ASTN2: variants seen among roughly 807,000 people sequenced by gnomAD.
ASTN2 encodes astrotactin-2.
In ASTN2, 54 loss-of-function variants were observed where a neutral mutation model predicts 139.8. The observed-to-expected ratio is 0.39, with a 90% CI of 0.31 to 0.48. The LOEUF is 0.48. ASTN2 is among the 20% of genes least tolerant of loss of function. The probability of loss-of-function intolerance (pLI) is 0.95; values close to 1 mark genes in which losing one functional copy is unlikely to be tolerated. For missense variants in ASTN2, 1,565 were observed against 1,725.1 expected, an observed-to-expected ratio of 0.91 and a Z score of 1.64; for synonymous variants, 756 against 719.5, an observed-to-expected ratio of 1.05 and a Z score of -0.81.
chr9:116,888,046 C>G (rs1386666958), intron 10 of ASTN2, among the ~76,000 whole-genome samples: 2 of 152,112 alleles, frequency 1.3e-5, no homozygotes, highest in African/African-American at 4.8e-5. Flanking sequence ...ATATATTTTT[C>G]ATATATCATA....
rs531368150 is a variant in ASTN2 at position 117,026,221 on chromosome 9, G to T, written c.1423+13598C>A. Among the ~76,000 whole-genome samples, 10 of 152,098 alleles carry T rather than the reference G, an allele frequency of 6.6e-5. No homozygotes were observed. In the East Asian group the frequency reaches 1.9e-3, roughly 29 times the overall value. On this transcript the variant is annotated intron_variant, in intron 6 of 22. Transcript: ENST00000313400. ...GTAACAGTCCCTAGTTTTTGAGTGT[G>T]GTTACCATGGGCCAGGCCCTTGAAA... is the stretch of plus-strand genomic sequence containing the variant.
At chr9:117,161,873 T>A (rs199690298) in intron 3 of ASTN2, among the ~76,000 whole-genome samples, 2 of 151,764 alleles carry the variant, frequency 1.3e-5, no homozygotes, top group Admixed American at 6.6e-5. Flanking sequence ...TCTTTTTTTT[T>A]AGAATCTTTA....
At chr9:116,749,888 C>T (rs1037783634) in intron 13 of ASTN2, among the ~76,000 whole-genome samples, 1 of 152,202 alleles carries the variant, frequency 6.6e-6, no homozygotes, top group African/African-American at 2.4e-5. Flanking sequence ...GCTCCCCCTA[C>T]CTTCCAACAT....
intron 2 of ASTN2, among the ~76,000 whole-genome samples, chr9:117,267,747 C>T (rs1225600761): frequency 2.0e-5 from 3 of 152,166 alleles, no homozygotes; most frequent in Non-Finnish European, 4.4e-5. Context: ...TTGTTGATAC[C>T]TTTGCCTCTC....
intron 19 of ASTN2, among the ~76,000 whole-genome samples, chr9:116,533,756 G>A (rs973736006): frequency 2.2e-4 from 34 of 152,076 alleles, no homozygotes; most frequent in Admixed American, 4.6e-4. Context: ...TGCTGGATTC[G>A]GTTTGCCAGT....
rs148624806 is a variant in ASTN2 at position 117,214,701 on chromosome 9, G to A, written c.672C>T (p.Thr224=). 3.9e-5 allele frequency: 60 copies of A among 1,522,610 alleles called. No homozygotes were observed. In the African/African-American group the frequency reaches 4.7e-4, roughly 12 times the overall value. 94.3% of individuals were successfully genotyped at this position (1,522,610 alleles called of 1,614,324 possible). ...AACGTCGCTGGGCGTACAGCGCCAC[G>A]GTGAACACCAGCAGCAGCAGCAGCA... The part of the protein sequence containing the change: ...IALLLLLLVF[T]VALYAQRRWQ... Residue 224 remains threonine (T), a synonymous_variant, in exon 3 of 23, where the codon ACC becomes ACT. Coordinates refer to ENST00000313400, the MANE Select transcript of ASTN2 (RefSeq NM_001365068.1).
chr9:117,065,430 C>T (rs1008212913), intron 5 of ASTN2, among the ~76,000 whole-genome samples: 1 of 152,144 alleles, frequency 6.6e-6, no homozygotes, highest in Admixed American at 6.5e-5. Flanking sequence ...TGTGTGGAAG[C>T]ACTCTTGACT....
In ASTN2 at chr9:116,424,909, CCTCT is replaced by C. The variant is rs1453241666; in HGVS notation, c.*938_*941del. 1.3e-5 allele frequency among the ~76,000 whole-genome samples: 2 copies of C among 152,156 alleles called. No homozygotes were observed. Among genetic ancestry groups the C allele is most frequent in the East Asian group, 3.9e-4 (2 of 5,144 alleles). On this transcript the variant is annotated 3_prime_UTR_variant, in exon 23 of 23. Coordinates refer to ENST00000313400, the MANE Select transcript of ASTN2 (RefSeq NM_001365068.1). The stretch of plus-strand genomic sequence containing the variant: ...TGGCAAGCAAATCCCATCTTTTTCA[CCTCT>C]CTGTCTGGCTTATTTCTACTCATCC...
intron 11 of ASTN2, among the ~76,000 whole-genome samples, chr9:116,821,681 T>C (rs1337292286): frequency 6.6e-6 from 1 of 152,114 alleles, no homozygotes; most frequent in Non-Finnish European, 1.5e-5. Flanking sequence ...CCTCCCTTTA[T>C]AGACAACCTA....
intron 1 of ASTN2, among the ~76,000 whole-genome samples, chr9:117,410,716 G>T (rs552981059): frequency 5.8e-4 from 88 of 152,232 alleles, no homozygotes; most frequent in African/African-American, 1.9e-3. Context: ...TTCTGGTCCA[G>T]AAAGTGCCCC....
intron 17 of ASTN2, among the ~76,000 whole-genome samples, chr9:116,636,321 G>A (rs769008255): frequency 7.5e-4 from 115 of 152,324 alleles, no homozygotes; most frequent in Non-Finnish European, 1.0e-3. Flanking sequence ...CTAAGGCAAC[G>A]GAAATAGCCT....
chr9:117,290,902 C>T (rs1444277334), intron 2 of ASTN2, among the ~76,000 whole-genome samples: 1 of 152,196 alleles, frequency 6.6e-6, no homozygotes, highest in African/African-American at 2.4e-5. Flanking sequence ...ACACCTGACA[C>T]ATCAAGGGTA....
In ASTN2 at chr9:117,358,120, C is replaced by T. The variant is rs1461087380; in HGVS notation, c.442+56377G>A. Among the ~76,000 whole-genome samples the T allele has an allele frequency of 2.6e-5, 4 of 152,254 alleles. No individual in the cohort carries two copies. The South Asian group carries it at 6.2e-4, about 24-fold the overall frequency. On this transcript the variant is annotated intron_variant, in intron 1 of 22. Transcript: ENST00000313400. ...TATAATGAGGATCGATCATACTTAGCGTTTAAGAAGCCTTCTAGTTTCCTC... is the reference window on the plus strand; with the variant it reads ...TATAATGAGGATCGATCATACTTAGTGTTTAAGAAGCCTTCTAGTTTCCTC...
At position 116,457,826 on chromosome 9, in the gene ASTN2, A is replaced by C. The variant is rs527969002; in HGVS notation, c.3498-15273T>G. Among the ~76,000 whole-genome samples the C allele has an allele frequency of 1.2e-4, 18 of 152,210 alleles. 1 individual carries two copies. Among genetic ancestry groups the C allele is most frequent in the African/African-American group, 4.3e-4 (18 of 41,562 alleles). On this transcript the variant is annotated intron_variant, in intron 20 of 22. Transcript: ENST00000313400. ...AAAACACTAAAGCTAGAACTACCAT[A>C]TGATCCGGCTATCCAAGGAAAGGTA...
chr9:116,935,027 G>C (rs1170838266), intron 10 of ASTN2, among the ~76,000 whole-genome samples: 1 of 152,164 alleles, frequency 6.6e-6, no homozygotes, highest in East Asian at 1.9e-4. Context: ...CTGTAAAGAG[G>C]TTAGGGGAGT....
chr9:116,787,045 C>A (rs1830396997), intron 13 of ASTN2, among the ~76,000 whole-genome samples: 2 of 152,216 alleles, frequency 1.3e-5, no homozygotes, highest in South Asian at 4.1e-4. Flanking sequence ...GCCTCCCCAG[C>A]CATGGGGAAC....
chr9:116,949,434 C>A (rs1278855271), intron 10 of ASTN2, among the ~76,000 whole-genome samples: 1 of 152,110 alleles, frequency 6.6e-6, no homozygotes, highest in African/African-American at 2.4e-5. Context: ...CTCTCTCTTG[C>A]CTTTTCTTTG....
intron 16 of ASTN2, among the ~76,000 whole-genome samples, chr9:116,662,075 T>C (rs1858595880): frequency 6.6e-6 from 1 of 151,592 alleles, no homozygotes; most frequent in African/African-American, 2.4e-5. Context: ...GGGGACTAAA[T>C]CCACCCTCAG....
rs555005550 is a variant in ASTN2, at chr9:116,689,113, C to T, written c.2806+36658G>A. 2.6e-5 allele frequency among the ~76,000 whole-genome samples: 4 copies of T among 152,244 alleles called. No individual in the cohort carries two copies. In the East Asian group the frequency reaches 7.7e-4, roughly 29 times the overall value. On this transcript the variant is annotated intron_variant, in intron 16 of 22. Transcript: ENST00000313400. ...AATGTGTGGGATACGCCCTTCCCCCCCGCAGTAAGGAATTATCCTGCCTAA... is the reference window on the plus strand; with the variant it reads ...AATGTGTGGGATACGCCCTTCCCCCTCGCAGTAAGGAATTATCCTGCCTAA...
Sources: allele counts gnomAD v4.1 joint callset (sites outside exome capture counted in the v4.1 genomes callset), GRCh38; gene constraint gnomAD v4.1.1; transcripts MANE v1.5; gene names NCBI Gene and HGNC (gene_info 2026-07-23, HGNC 2026-07-21).